IKZF3: variants seen among roughly 807,000 people sequenced by gnomAD.
IKZF3 encodes the protein IKAROS family zinc finger 3, also known as zinc finger protein Aiolos.
A neutral mutation model predicts 49.0 loss-of-function variants in IKZF3; 10 were observed. The observed-to-expected ratio is 0.20, with a 90% confidence interval of 0.13 to 0.35. The LOEUF is 0.35. IKZF3 is among the 10% of genes least tolerant of loss of function. The probability of loss-of-function intolerance (pLI) is 1.00; values close to 1 mark genes in which losing one functional copy is unlikely to be tolerated. For synonymous variants in IKZF3, 209 were observed against 228.2 expected (o/e 0.92, Z 0.76); for missense variants, 498 against 664.8 (o/e 0.75, Z 2.76).
intron 1 of IKZF3, among the ~76,000 whole-genome samples, chr17:39,833,143 C>T (rs373458044): frequency 9.9e-5 from 15 of 152,240 alleles, no homozygotes; most frequent in Admixed American, 3.3e-4. Flanking sequence ...ATCCATTCAT[C>T]GATCCAGCTT....
At chr17:39,820,923 T>C (rs1248787640) in intron 3 of IKZF3, among the ~76,000 whole-genome samples, 1 of 152,180 alleles carries the variant, frequency 6.6e-6, no homozygotes, top group Non-Finnish European at 1.5e-5. Context: ...CTTCAGGAGC[T>C]GGGGGTGTGG....
chr17:39,774,104 A>G (rs2060514493), intron 7 of IKZF3, among the ~76,000 whole-genome samples: 1 of 152,208 alleles, frequency 6.6e-6, no homozygotes, highest in African/African-American at 2.4e-5. Flanking sequence ...TAATGGATGC[A>G]AAATGCTCCC....
intron 6 of IKZF3, among the ~76,000 whole-genome samples, chr17:39,787,857 A>G (rs1295577950): frequency 6.6e-6 from 1 of 152,276 alleles, no homozygotes; most frequent in East Asian, 1.9e-4. Flanking sequence ...AAGGCCTGAG[A>G]AGATCTGGTT....
chr17:39,786,640 T>C (rs950416250), intron 6 of IKZF3, among the ~76,000 whole-genome samples: 1 of 152,154 alleles, frequency 6.6e-6, no homozygotes, highest in Non-Finnish European at 1.5e-5. Flanking sequence ...TATTATTGTT[T>C]TAGAGATGGT....
chr17:39,824,581 C>T (rs954061719), intron 3 of IKZF3, among the ~76,000 whole-genome samples: 1 of 152,058 alleles, frequency 6.6e-6, no homozygotes, highest in Non-Finnish European at 1.5e-5. Flanking sequence ...ATTATCCCCA[C>T]GTGTTGTGAG....
rs1597916426 is a variant in IKZF3, at chr17:39,758,275, G to A, written c.*7515C>T. 6.6e-6 allele frequency: 1 copy of A among 152,294 alleles called. No homozygotes were observed. 9.4% of individuals were successfully genotyped at this position (152,294 alleles called of 1,614,324 possible). A position where few individuals can be genotyped will look rare whatever the true frequency, so the allele number is the denominator to read the frequency against. On this transcript the variant is annotated 3_prime_UTR_variant, in exon 8 of 8. Coordinates refer to ENST00000346872, the MANE Select transcript of IKZF3 (RefSeq NM_012481.5). Reference sequence around the variant, plus strand: ...GTGAAGGGATGTCTGCTTTGTAAATGACCTGCTAATTCTTTGCAACCCACA... The same window carrying A: ...GTGAAGGGATGTCTGCTTTGTAAATAACCTGCTAATTCTTTGCAACCCACA...
chr17:39,858,698 T>C (rs1010640293), intron 1 of IKZF3, among the ~76,000 whole-genome samples: 4 of 152,080 alleles, frequency 2.6e-5, no homozygotes, highest in South Asian at 2.1e-4. Flanking sequence ...ATCTCCTGGA[T>C]TGGACACATA....
chr17:39,835,197 A>T (rs2062236327), intron 1 of IKZF3: 1 of 514,466 alleles, frequency 1.9e-6, no homozygotes, highest in Admixed American at 2.0e-5. Context: ...CATGCTCTGC[A>T]TCCCAGACTT....
At chr17:39,818,178 G>C (rs956278933) in intron 3 of IKZF3, among the ~76,000 whole-genome samples, 1 of 152,112 alleles carries the variant, frequency 6.6e-6, no homozygotes, top group Non-Finnish European at 1.5e-5. Context: ...ACTTAGAAAA[G>C]ATACAGTAAA....
At chr17:39,831,332 C>T (rs2062103015) in intron 2 of IKZF3, among the ~76,000 whole-genome samples, 1 of 151,904 alleles carries the variant, frequency 6.6e-6, no homozygotes, top group South Asian at 2.1e-4. Flanking sequence ...CGAGATCACA[C>T]CATCGTACTT....
intron 3 of IKZF3, among the ~76,000 whole-genome samples, chr17:39,815,243 T>A (rs538288950): frequency 6.6e-6 from 1 of 152,242 alleles, no homozygotes; most frequent in Non-Finnish European, 1.5e-5. Flanking sequence ...GAAGAAGGAC[T>A]GAAACAAAAA....
chr17:39,829,631 G>A, intron 2 of IKZF3, 143 bp from the exon 3 acceptor site: 1 of 598,878 alleles, frequency 1.7e-6, no homozygotes, highest in Non-Finnish European at 2.9e-6. Context: ...ACCCAAAAGG[G>A]ATGTATACAT....
Position 39,759,808 on chromosome 17 carries a change from T to G in IKZF3, c.*5982A>C, listed in dbSNP as rs1189474793. ...CTGAACTCTGGATATAGAGGTTTTT[T>G]GAACTATACTTTCTGTGTGAACACA... On this transcript the variant is annotated 3_prime_UTR_variant, in exon 8 of 8. Coordinates refer to ENST00000346872, the MANE Select transcript of IKZF3 (RefSeq NM_012481.5). 1.3e-5 allele frequency: 2 copies of G among 152,264 alleles called. No individual in the cohort carries two copies. Among genetic ancestry groups the G allele is most frequent in the Non-Finnish European group, 2.9e-5 (2 of 68,034 alleles). 9.4% of individuals were successfully genotyped at this position (152,264 alleles called of 1,614,324 possible).
intron 6 of IKZF3, among the ~76,000 whole-genome samples, chr17:39,787,362 T>A (rs1426846265): frequency 6.6e-6 from 1 of 152,184 alleles, no homozygotes; most frequent in Non-Finnish European, 1.5e-5. Context: ...CTAATTCAAA[T>A]CACTGAATAA....
At chr17:39,802,724 A>G (rs2061351232) in intron 3 of IKZF3, among the ~76,000 whole-genome samples, 1 of 150,814 alleles carries the variant, frequency 6.6e-6, no homozygotes, top group South Asian at 2.1e-4. Flanking sequence ...AGAGGCTGAG[A>G]AGGGAGGATC....
At chr17:39,775,930 AAAAAAAAAAAG>A (rs1302740637) in intron 7 of IKZF3, among the ~76,000 whole-genome samples, 3 of 151,602 alleles carry the variant, frequency 2.0e-5, no homozygotes, top group African/African-American at 7.3e-5. Flanking sequence ...GTCTCAAAAA[AAAAAAAAAAAG>A]AAAGAAAGAA....
At chr17:39,793,294 T>C (rs1045790712) in intron 3 of IKZF3, among the ~76,000 whole-genome samples, 2 of 152,198 alleles carry the variant, frequency 1.3e-5, no homozygotes, top group Admixed American at 1.3e-4. Flanking sequence ...AGTACTGTTT[T>C]TGGTGGCTGC....
intron 1 of IKZF3, among the ~76,000 whole-genome samples, chr17:39,857,441 T>C (rs753021423): frequency 1.3e-5 from 2 of 152,196 alleles, no homozygotes; most frequent in Non-Finnish European, 2.9e-5. Flanking sequence ...TCAAAACATC[T>C]ATTGTGAAGA....
At chr17:39,846,904 G>A (rs1223685634) in intron 1 of IKZF3, among the ~76,000 whole-genome samples, 1 of 152,004 alleles carries the variant, frequency 6.6e-6, no homozygotes, top group Non-Finnish European at 1.5e-5. Flanking sequence ...AAAGAATCCT[G>A]TATTGAGTTT....
Sources: allele counts gnomAD v4.1 joint callset (sites outside exome capture counted in the v4.1 genomes callset), GRCh38; gene constraint gnomAD v4.1.1; transcripts MANE v1.5; gene names NCBI Gene and HGNC (gene_info 2026-07-23, HGNC 2026-07-21).